Variants in RASGRP3 observed in about 807,000 individuals in gnomAD.
RASGRP3 encodes ras guanyl-releasing protein 3.
In RASGRP3, 54 loss-of-function variants were observed where a neutral mutation model predicts 82.7. That is an observed-to-expected ratio of 0.65 (90% CI 0.52 to 0.82). RASGRP3 has a LOEUF of 0.82. Among genes scored for constraint, RASGRP3 ranks in the 40% least tolerant of loss-of-function variants. RASGRP3 has a pLI of 0.00. For missense variants in RASGRP3, 861 were observed against 828.9 expected, an observed-to-expected ratio of 1.04 and a Z score of -0.48; for synonymous variants, 309 against 300.5, an observed-to-expected ratio of 1.03 and a Z score of -0.29.
chr2:33,508,498 A>G (rs1670617513), intron 1 of RASGRP3, among the ~76,000 whole-genome samples: 1 of 152,178 alleles, frequency 6.6e-6, no homozygotes, highest in African/African-American at 2.4e-5. Context: ...CTTTCAATGC[A>G]ATAGCAGGAG....
rs566534539 is a variant in RASGRP3, at chr2:33,480,092, G to GA, written c.-261+3386dup. 2.5e-4 allele frequency among the ~76,000 whole-genome samples: 37 copies of GA among 147,158 alleles called. No individual in the cohort carries two copies. The South Asian group carries it at 7.9e-3, about 32-fold the overall frequency. ...CAGTCTCGCTCTGTCGCCCAGGCTG[G>GA]AGTGCAGTGGTGAGATCTCGGCTCA... is the stretch of plus-strand genomic sequence containing the variant. On this transcript the variant is annotated intron_variant, in intron 1 of 17. Transcript: ENST00000403687.
upstream of RASGRP3, among the ~76,000 whole-genome samples, chr2:33,474,023 C>T (rs1441769855): frequency 6.6e-6 from 1 of 152,036 alleles, no homozygotes; most frequent in African/African-American, 2.4e-5. Context: ...AATCTAATGC[C>T]ACAGCTGATC....
intron 1 of RASGRP3, among the ~76,000 whole-genome samples, chr2:33,477,206 A>G (rs969997175): frequency 6.6e-6 from 1 of 152,204 alleles, no homozygotes; most frequent in Non-Finnish European, 1.5e-5. Flanking sequence ...ATTTTTGAGA[A>G]TATCTCATTT....
intron 10 of RASGRP3, among the ~76,000 whole-genome samples, chr2:33,530,450 A>C (rs1298433424): frequency 1.3e-5 from 2 of 151,308 alleles, no homozygotes; most frequent in Non-Finnish European, 2.9e-5. Context: ...ATACCCTGCA[A>C]TGCAGCCTGG....
rs75082721 is a variant in RASGRP3 at position 33,553,102 on chromosome 2, C to T, written c.1543-2429C>T. Among the ~76,000 whole-genome samples, 6 of 114,082 alleles carry T rather than the reference C, an allele frequency of 5.3e-5. No individual in the cohort carries two copies. In the East Asian group the frequency reaches 1.8e-3, roughly 35 times the overall value. The allele number at this position is 114,082 out of a possible 152,430, so 74.8% of individuals were successfully genotyped here. On this transcript the variant is annotated intron_variant, in intron 14 of 17. Coordinates refer to ENST00000403687, the MANE Select transcript of RASGRP3 (RefSeq NM_001139488.2). ...CACCCTTGCTTGACTGTATCTTTTT[C>T]AGCAGTTCCTGCAGCAATGCTAATA...
At chr2:33,442,740 G>A (rs762674848) in intron 1 of RASGRP3, among the ~76,000 whole-genome samples, 8 of 152,204 alleles carry the variant, frequency 5.3e-5, no homozygotes, top group Non-Finnish European at 1.0e-4. Context: ...GGAAATGAAT[G>A]GCAGAAAACA....
chr2:33,480,228 A>G (rs1297384789), intron 1 of RASGRP3, among the ~76,000 whole-genome samples: 1 of 151,984 alleles, frequency 6.6e-6, no homozygotes, highest in Non-Finnish European at 1.5e-5. Flanking sequence ...TATTTTTAGT[A>G]GAGACGGGGT....
In RASGRP3 at chr2:33,463,783, G is replaced by A. The variant is rs202134611; in HGVS notation, c.-261+15840G>A. On this transcript the variant is annotated intron_variant, in intron 2 of 18. Coordinates refer to the RASGRP3 transcript ENST00000402538. The stretch of plus-strand genomic sequence containing the variant: ...CCTGGCTATTTTTTTTGTATTTTTA[G>A]TAGAAATGTGGTTTCACCATGTTGG... Among the ~76,000 whole-genome samples, 22 of 151,796 alleles carry A rather than the reference G, an allele frequency of 1.4e-4. No individual in the cohort carries two copies. In the East Asian group the frequency reaches 4.1e-3, roughly 28 times the overall value.
At chr2:33,536,279 G>A (rs1673593969) in intron 11 of RASGRP3, among the ~76,000 whole-genome samples, 2 of 142,658 alleles carry the variant, frequency 1.4e-5, no homozygotes, top group South Asian at 4.6e-4. Flanking sequence ...TCCAGGCTGG[G>A]CAACAGAGCA....
upstream of RASGRP3, among the ~76,000 whole-genome samples, chr2:33,474,823 C>G (rs879334905): frequency 3.9e-5 from 6 of 152,180 alleles, no homozygotes; most frequent in Non-Finnish European, 7.3e-5. Flanking sequence ...ATTACCCAGT[C>G]TCAAGTATTT....
chr2:33,461,204 A>G (rs970900144), intron 2 of RASGRP3, among the ~76,000 whole-genome samples: 6 of 152,252 alleles, frequency 3.9e-5, no homozygotes, highest in Non-Finnish European at 8.8e-5. Context: ...ACTGGCAATC[A>G]CAAAGATGAG....
chr2:33,479,751 C>T (rs1471231485), intron 1 of RASGRP3, among the ~76,000 whole-genome samples: 2 of 152,128 alleles, frequency 1.3e-5, no homozygotes, highest in Admixed American at 6.5e-5. Flanking sequence ...TTTTCTGGGT[C>T]ATCAGACTTG....
At chr2:33,515,452 C>G (rs1423384064) in intron 3 of RASGRP3, among the ~76,000 whole-genome samples, 6 of 152,218 alleles carry the variant, frequency 3.9e-5, no homozygotes, top group African/African-American at 4.8e-5. Context: ...CTGCACCTTT[C>G]TACCACCATC....
In RASGRP3 at chr2:33,563,875, G is replaced by T. The variant is rs1676961645; in HGVS notation, c.*1138G>T. The T allele has an allele frequency of 6.6e-6, 1 of 151,834 alleles. No homozygotes were observed. The highest frequency in any genetic ancestry group is 2.4e-5 in the African/African-American group (1 of 41,292). 9.4% of individuals were successfully genotyped at this position (151,834 alleles called of 1,614,324 possible). ...CATTTACCCAAAATAACTAGTTATGGGTCTATTTCTTCCATGATTAGAGGA... is the reference window on the plus strand; with the variant it reads ...CATTTACCCAAAATAACTAGTTATGTGTCTATTTCTTCCATGATTAGAGGA... On this transcript the variant is annotated 3_prime_UTR_variant, in exon 18 of 18. Coordinates refer to ENST00000403687, the MANE Select transcript of RASGRP3 (RefSeq NM_001139488.2).
At chr2:33,443,209 T>A (rs1180268581) in intron 1 of RASGRP3, among the ~76,000 whole-genome samples, 1 of 152,188 alleles carries the variant, frequency 6.6e-6, no homozygotes, top group Non-Finnish European at 1.5e-5. Context: ...AGTCTTCATT[T>A]TAATAGCAAT....
intron 1 of RASGRP3, among the ~76,000 whole-genome samples, chr2:33,503,445 T>G (rs1670069169): frequency 1.3e-5 from 2 of 152,196 alleles, no homozygotes; most frequent in Non-Finnish European, 2.9e-5. Context: ...TGAGATTTGT[T>G]TTTCTTTTAG....
intron 2 of RASGRP3, among the ~76,000 whole-genome samples, chr2:33,458,664 C>T (rs1388267465): frequency 6.6e-6 from 1 of 152,112 alleles, no homozygotes; most frequent in Non-Finnish European, 1.5e-5. Context: ...TCTTCAGTTA[C>T]CAAGGCCACA....
chr2:33,529,089 T>C (rs1672849924), intron 10 of RASGRP3, among the ~76,000 whole-genome samples: 1 of 152,158 alleles, frequency 6.6e-6, no homozygotes, highest in African/African-American at 2.4e-5. Context: ...CAATTTCTCA[T>C]AGAGCTAAAA....
intron 14 of RASGRP3, among the ~76,000 whole-genome samples, chr2:33,551,127 A>G (rs1173246380): frequency 3.3e-5 from 5 of 152,202 alleles, no homozygotes; most frequent in African/African-American, 9.6e-5. Context: ...AACCTGGCCA[A>G]CATGGTGAAA....
Sources: allele counts gnomAD v4.1 joint callset (sites outside exome capture counted in the v4.1 genomes callset), GRCh38; gene constraint gnomAD v4.1.1; transcripts MANE v1.5; gene names NCBI Gene and HGNC (gene_info 2026-07-23, HGNC 2026-07-21).